ACTR3C: variants seen among roughly 807,000 people sequenced by gnomAD.
The protein encoded by ACTR3C is actin-related protein 3C.
ACTR3C carries 18 observed loss-of-function variants against 26.3 expected under a neutral mutation model. That is an observed-to-expected ratio of 0.68 (90% CI 0.47 to 1.01). The LOEUF (loss-of-function observed/expected upper bound fraction) is 1.01, where lower values mean the gene tolerates loss of function less well. Ranked by LOEUF, ACTR3C falls within the 50% of genes least tolerant of loss-of-function variation. ACTR3C has a pLI of 0.00. For synonymous variants in ACTR3C, 55 were observed against 94.5 expected, an observed-to-expected ratio of 0.58 and a Z score of 2.42; for missense variants, 184 against 250.7, an observed-to-expected ratio of 0.73 and a Z score of 1.80.
the ACTR3C span, among the ~76,000 whole-genome samples, chr7:149,887,540 G>A: frequency 6.6e-6 from 1 of 152,354 alleles, no homozygotes; most frequent in South Asian, 2.1e-4. Context: ...GTACCATCAG[G>A]AGTTGGTATA....
At chr7:150,170,490 T>C in the ACTR3C span, among the ~76,000 whole-genome samples, 4 of 150,446 alleles carry the variant, frequency 2.7e-5, no homozygotes, top group East Asian at 7.7e-4. Context: ...TGACCAGAGA[T>C]TTTACTGTGG....
chr7:149,985,969 T>C, the ACTR3C span, among the ~76,000 whole-genome samples: 6 of 152,008 alleles, frequency 3.9e-5, no homozygotes. Flanking sequence ...AACTGCTCAT[T>C]CTAAGCCTTC....
chr7:150,186,516 G>A, the ACTR3C span, among the ~76,000 whole-genome samples: 17 of 152,210 alleles, frequency 1.1e-4, no homozygotes, highest in Admixed American at 4.6e-4. Context: ...TAAAAAACAC[G>A]TTCTGGCCAC....
At chr7:150,008,835 G>A in the ACTR3C span, among the ~76,000 whole-genome samples, 18 of 151,470 alleles carry the variant, frequency 1.2e-4, no homozygotes, top group South Asian at 2.1e-4. Context: ...CATAGCTGGG[G>A]AGAGTTGCCT....
At chr7:150,322,395 A>G (rs1372017129) in intron 1 of ACTR3C, among the ~76,000 whole-genome samples, 1 of 152,268 alleles carries the variant, frequency 6.6e-6, no homozygotes, top group Non-Finnish European at 1.5e-5. Flanking sequence ...AAACGCCACC[A>G]AAACCAATAT....
chr7:150,012,529 A>T, the ACTR3C span, among the ~76,000 whole-genome samples: 4 of 150,270 alleles, frequency 2.7e-5, no homozygotes, highest in Non-Finnish European at 5.9e-5. Flanking sequence ...GTTAGCCAGG[A>T]TGGTCTCGAT....
the ACTR3C span, among the ~76,000 whole-genome samples, chr7:149,891,622 C>T: frequency 2.0e-5 from 3 of 151,962 alleles, no homozygotes; most frequent in Non-Finnish European, 2.9e-5. Flanking sequence ...CCCAGGAGTT[C>T]GAGACCAGCC....
chr7:150,112,230 G>C, the ACTR3C span, among the ~76,000 whole-genome samples: 1 of 152,024 alleles, frequency 6.6e-6, no homozygotes, highest in Non-Finnish European at 1.5e-5. Flanking sequence ...TTGACTCATG[G>C]GGCTGGGAAC....
the ACTR3C span, among the ~76,000 whole-genome samples, chr7:150,086,813 T>G: frequency 1.3e-5 from 2 of 152,120 alleles, no homozygotes; most frequent in African/African-American, 4.8e-5. Flanking sequence ...AGTGGGGTTA[T>G]TTGAAAGGGA....
chr7:150,038,470 G>A, the ACTR3C span, among the ~76,000 whole-genome samples: 65 of 143,400 alleles, frequency 4.5e-4, 9 homozygotes, highest in Middle Eastern at 6.9e-3. Context: ...CCGGGTCCCC[G>A]CCCCATTTGT....
At chr7:150,256,025 A>G (rs1833197352) in intron 6 of ACTR3C, among the ~76,000 whole-genome samples, 1 of 152,270 alleles carries the variant, frequency 6.6e-6, no homozygotes, top group Non-Finnish European at 1.5e-5. Flanking sequence ...ATGTAGAGAT[A>G]CATGAGAGTC....
At chr7:150,071,433 C>T in the ACTR3C span, among the ~76,000 whole-genome samples, 1,670 of 149,754 alleles carry the variant, frequency 0.011, 30 homozygotes, top group African/African-American at 0.039. Flanking sequence ...TGACATAAGA[C>T]AATTTCTAAT....
At chr7:150,102,420 C>T in the ACTR3C span, among the ~76,000 whole-genome samples, 3 of 152,182 alleles carry the variant, frequency 2.0e-5, no homozygotes, top group South Asian at 4.1e-4. Flanking sequence ...AGTTCTGGCA[C>T]ATTTTGTTAA....
chr7:150,071,314 C>CG, the ACTR3C span, among the ~76,000 whole-genome samples: 1 of 150,384 alleles, frequency 6.6e-6, no homozygotes, highest in Middle Eastern at 3.2e-3. Context: ...TTAGTAGAGA[C>CG]GGGGTTTCAC....
chr7:150,149,816 G>A, the ACTR3C span, among the ~76,000 whole-genome samples: 7 of 152,088 alleles, frequency 4.6e-5, no homozygotes, highest in African/African-American at 1.7e-4. Flanking sequence ...TTCCCAATGA[G>A]GTTATAAAGG....
At chr7:150,064,165 A>G in the ACTR3C span, among the ~76,000 whole-genome samples, 1 of 151,416 alleles carries the variant, frequency 6.6e-6, no homozygotes. Flanking sequence ...CAGCACCTGG[A>G]TGGCTTCACA....
the ACTR3C span, among the ~76,000 whole-genome samples, chr7:150,210,953 AGAG>A: frequency 6.7e-6 from 1 of 148,912 alleles, no homozygotes; most frequent in African/African-American, 2.6e-5. Flanking sequence ...CAAGAACAAA[AGAG>A]GTAATAATCT....
the ACTR3C span, among the ~76,000 whole-genome samples, chr7:150,036,897 C>A: frequency 5.1e-5 from 6 of 117,402 alleles, no homozygotes. Flanking sequence ...CAGTCCCCGC[C>A]TCGCGGGGAG....
chr7:149,972,183 G>A, the ACTR3C span, among the ~76,000 whole-genome samples: 1,785 of 152,242 alleles, frequency 0.012, 33 homozygotes, highest in African/African-American at 0.04. Context: ...CCTTCCCTGA[G>A]TCTTCTCAGT....
Sources: allele counts gnomAD v4.1 joint callset (sites outside exome capture counted in the v4.1 genomes callset), GRCh38; gene constraint gnomAD v4.1.1; transcripts MANE v1.5; gene names NCBI Gene and HGNC (gene_info 2026-07-23, HGNC 2026-07-21).